Variants in CYP2B6 observed in about 807,000 individuals in gnomAD.
The protein encoded by CYP2B6 is cytochrome P450 family 2 subfamily B member 6.
CYP2B6 carries 35 observed loss-of-function variants against 43.4 expected under a neutral mutation model. That is an observed-to-expected ratio of 0.81 (90% CI 0.62 to 1.07). The LOEUF (loss-of-function observed/expected upper bound fraction) is 1.07. Among genes scored for constraint, CYP2B6 ranks in the 50% least tolerant of loss-of-function variants. The probability of loss-of-function intolerance (pLI) is 0.00; values close to 1 mark genes in which losing one functional copy is unlikely to be tolerated. For synonymous variants in CYP2B6, 239 were observed against 239.2 expected (o/e 1.00, Z 0.01); for missense variants, 624 against 632.8 (o/e 0.99, Z 0.15).
chr19:40,996,459 A>G (rs1969001159), intron 1 of CYP2B6, among the ~76,000 whole-genome samples: 1 of 152,154 alleles, frequency 6.6e-6, no homozygotes, highest in Admixed American at 6.5e-5. Flanking sequence ...ATGCTTTAAT[A>G]CAACCAGAAA....
At chr19:41,016,413 A>G (rs1219465151) in intron 8 of CYP2B6, among the ~76,000 whole-genome samples, 1 of 66,756 alleles carries the variant, frequency 1.5e-5, no homozygotes, top group Non-Finnish European at 2.7e-5. Context: ...AAAAAAAAAA[A>G]AAAAAAAAAA....
chr19:41,016,950 T>TC lies in CYP2B6; in HGVS notation c.*127dup. On this transcript the variant is annotated 3_prime_UTR_variant, in exon 9 of 9. Coordinates refer to ENST00000324071, the MANE Select transcript of CYP2B6 (RefSeq NM_000767.5). ...GAGACCTGCTACAAGCCAGCTTCCT[T>TC]CCCCTCCATGGCACCAGTTGTCTGA... is the stretch of plus-strand genomic sequence containing the variant. 1.0e-6 allele frequency: 1 copy of TC among 1,004,272 alleles called. No individual in the cohort carries two copies. The highest frequency in any genetic ancestry group is 1.5e-6 in the Non-Finnish European group (1 of 683,190). 62.2% of individuals were successfully genotyped at this position (1,004,272 alleles called of 1,614,324 possible).
intron 1 of CYP2B6, among the ~76,000 whole-genome samples, chr19:40,992,237 T>C (rs898388201): frequency 5.5e-5 from 8 of 145,682 alleles, no homozygotes; most frequent in African/African-American, 1.9e-4. Flanking sequence ...TACTCCCAAG[T>C]TAGGTTGCAG....
At chr19:41,001,201 A>G (rs1220598989) in intron 1 of CYP2B6, among the ~76,000 whole-genome samples, 1 of 152,142 alleles carries the variant, frequency 6.6e-6, no homozygotes, top group Non-Finnish European at 1.5e-5. Flanking sequence ...GCTGCTTAAC[A>G]ATTTGTGGAT....
Position 41,012,344 on chromosome 19 carries a change from T to A in CYP2B6, c.1011T>A (p.Pro337=). The change falls in exon 7 of 9, where the codon CCT becomes CCA. Residue 337 remains proline (P), a synonymous_variant. Transcript: ENST00000324071. ...EIEQVIGPHR[P]PELHDRAKMP... is the part of the protein sequence containing the mutation. ...AACAGGTGATTGGCCCACATCGCCC[T>A]CCAGAGCTTCATGACCGAGCCAAAA... 1 of 1,614,124 alleles carries A rather than the reference T, an allele frequency of 6.2e-7. No individual in the cohort carries two copies. Among genetic ancestry groups the A allele is most frequent in the Non-Finnish European group, 8.5e-7 (1 of 1,180,026 alleles).
At chr19:41,001,522 G>T (rs556764417) in intron 1 of CYP2B6, among the ~76,000 whole-genome samples, 2 of 152,040 alleles carry the variant, frequency 1.3e-5, no homozygotes, top group African/African-American at 2.4e-5. Flanking sequence ...GATTCAACCC[G>T]TATGCATTGA....
intron 6 of CYP2B6, among the ~76,000 whole-genome samples, 160 bp from the exon 7 acceptor site, chr19:41,012,138 C>T (rs565842464): frequency 9.9e-5 from 15 of 152,114 alleles, no homozygotes; most frequent in South Asian, 2.1e-4. Context: ...TTAGGAGAGA[C>T]GGGATTTTGC....
intron 4 of CYP2B6, chr19:41,007,516 G>A (rs1244488668): frequency 6.0e-6 from 1 of 167,740 alleles, no homozygotes. Flanking sequence ...GGGGTGTAGT[G>A]TTGCCATCTT....
At chr19:41,014,602 GC>G (rs1351003515) in intron 8 of CYP2B6, among the ~76,000 whole-genome samples, 4 of 152,158 alleles carry the variant, frequency 2.6e-5, no homozygotes, top group Non-Finnish European at 4.4e-5. Context: ...ACTGCGACTG[GC>G]CTGCTAATTT....
rs368366665 is a variant in CYP2B6 at position 41,012,418 on chromosome 19, T to A, written c.1085T>A (p.Leu362His). 3 of 1,614,116 alleles carry A rather than the reference T, an allele frequency of 1.9e-6. No individual in the cohort carries two copies. The highest frequency in any genetic ancestry group is 2.5e-6 in the Non-Finnish European group (3 of 1,180,024). Residue 362 changes from leucine (L) to histidine (H), a missense_variant, in exon 7 of 9, where the codon CTT becomes CAT. Physicochemically the swap from Leu to His is moderately conservative, Grantham distance 99. Transcript: ENST00000324071. ...VIYEIQRFSDLLPMGVPHIVT... is the reference protein window; with the variant it reads ...VIYEIQRFSDHLPMGVPHIVT... ...TATGAGATTCAGAGATTTTCCGACC[T>A]TCTCCCCATGGGTGTGCCCCACATT... is the stretch of plus-strand genomic sequence containing the variant.
rs745440016 is a variant in CYP2B6 at position 41,006,949 on chromosome 19, A to T, written c.529A>T (p.Asn177Tyr). 1 of 1,613,914 alleles carries T rather than the reference A, an allele frequency of 6.2e-7. No homozygotes were observed. Among genetic ancestry groups the T allele is most frequent in the African/African-American group, 1.3e-5 (1 of 74,816 alleles). ...CTTCCTCTTCCAGTCCATTACCGCC[A>T]ACATCATCTGCTCCATCGTCTTTGG... ...PTFLFQSITA[N>Y]IICSIVFGKR... Residue 177 changes from asparagine (N) to tyrosine (Y), a missense_variant, in exon 4 of 9, where the codon AAC (asparagine) becomes TAC (tyrosine). Transcript: ENST00000324071.
At chr19:40,993,085 T>TG (rs931930418) in intron 1 of CYP2B6, among the ~76,000 whole-genome samples, 4 of 152,260 alleles carry the variant, frequency 2.6e-5, no homozygotes, top group African/African-American at 9.6e-5. Context: ...AGAGTCCAAT[T>TG]GGTCATAGAT....
At chr19:41,006,624 G>A (rs1404303148) in intron 3 of CYP2B6, among the ~76,000 whole-genome samples, 1 of 151,910 alleles carries the variant, frequency 6.6e-6, no homozygotes, top group Non-Finnish European at 1.5e-5. Context: ...TCTAAATCCT[G>A]GCCTCAGTAA....
At chr19:40,997,694 T>TG (rs1310228682) in intron 1 of CYP2B6, among the ~76,000 whole-genome samples, 1 of 152,130 alleles carries the variant, frequency 6.6e-6, no homozygotes, top group Non-Finnish European at 1.5e-5. Flanking sequence ...ACAAGGTAAT[T>TG]GGTCACAGAC....
At chr19:40,999,638 AT>A (rs1969051496) in intron 1 of CYP2B6, among the ~76,000 whole-genome samples, 1 of 152,054 alleles carries the variant, frequency 6.6e-6, no homozygotes, top group East Asian at 1.9e-4. Context: ...TGGCTACCTT[AT>A]TAGTTCATAG....
intron 6 of CYP2B6, among the ~76,000 whole-genome samples, chr19:41,011,929 C>T (rs1568562881): frequency 1.3e-5 from 2 of 152,022 alleles, no homozygotes; most frequent in Non-Finnish European, 2.9e-5. Context: ...AGTGTCCTTG[C>T]TGAAAGGTCT....
In CYP2B6 at chr19:41,016,725, C is replaced by T. The variant is rs371998889; in HGVS notation, c.1374C>T (p.Ser458=). 2.3e-4 allele frequency: 376 copies of T among 1,614,110 alleles called. 1 individual carries two copies. The highest frequency in any genetic ancestry group is 3.1e-4 in the Non-Finnish European group (364 of 1,180,038). ...LFFTTILQNF[S]MASPVAPEDI... is the part of the protein sequence containing the mutation. The stretch of plus-strand genomic sequence containing the variant: ...TCACCACCATCCTCCAGAACTTCTC[C>T]ATGGCCAGCCCCGTGGCCCCAGAAG... The change falls in exon 9 of 9, where the codon TCC becomes TCT. Residue 458 remains serine, a synonymous_variant. Coordinates refer to ENST00000324071, the MANE Select transcript of CYP2B6 (RefSeq NM_000767.5).
chr19:40,999,090 T>C (rs997558598), intron 1 of CYP2B6, among the ~76,000 whole-genome samples: 1 of 149,514 alleles, frequency 6.7e-6, no homozygotes, highest in Non-Finnish European at 1.5e-5. Flanking sequence ...GCACCTGTTG[T>C]TTCCTGACTT....
At position 41,006,698 on chromosome 19, in the gene CYP2B6, G is replaced by A. The variant is rs557599615; in HGVS notation, c.485-207G>A. 2.0e-5 allele frequency among the ~76,000 whole-genome samples: 3 copies of A among 152,154 alleles called. No individual in the cohort carries two copies. In the East Asian group the frequency reaches 5.8e-4, roughly 29 times the overall value. On this transcript the variant is annotated intron_variant, in intron 3 of 8. Transcript: ENST00000324071. ...TCGGTCTGCCCATCTATAAACTGGA[G>A]CTAATAATCAAATTGCATCTGCCTC... is the stretch of plus-strand genomic sequence containing the variant.
Sources: allele counts gnomAD v4.1 joint callset (sites outside exome capture counted in the v4.1 genomes callset), GRCh38; gene constraint gnomAD v4.1.1; transcripts MANE v1.5; gene names NCBI Gene and HGNC (gene_info 2026-07-23, HGNC 2026-07-21).